The following STXBP5 variants were observed in gnomAD, a reference collection of about 807,000 sequenced individuals.
STXBP5 encodes the protein syntaxin-binding protein 5.
STXBP5 carries 50 observed loss-of-function variants against 152.4 expected under a neutral mutation model. The ratio of observed to expected loss-of-function variants is 0.33; its 90% CI spans 0.26 to 0.42. STXBP5 has a LOEUF of 0.42. Among genes scored for constraint, STXBP5 ranks in the 10% least tolerant of loss-of-function variants. STXBP5 has a pLI of 1.00. For missense variants in STXBP5, 1,167 were observed against 1,388.6 expected (o/e 0.84, Z 2.54); for synonymous variants, 492 against 494.7 (o/e 0.99, Z 0.07).
At chr6:147,261,586 A>G (rs1357447020) in intron 5 of STXBP5, among the ~76,000 whole-genome samples, 2 of 151,990 alleles carry the variant, frequency 1.3e-5, no homozygotes, top group East Asian at 1.9e-4. Context: ...GTAATAGTGT[A>G]TTAATCCTGG....
At chr6:147,275,106 T>G (rs1051259315) in intron 7 of STXBP5, among the ~76,000 whole-genome samples, 1 of 152,168 alleles carries the variant, frequency 6.6e-6, no homozygotes, top group African/African-American at 2.4e-5. Flanking sequence ...CTAATAAGAA[T>G]AGCAGAAGGA....
chr6:147,306,487 T>C (rs932247107), intron 9 of STXBP5, among the ~76,000 whole-genome samples: 2 of 152,160 alleles, frequency 1.3e-5, no homozygotes, highest in African/African-American at 4.8e-5. Context: ...CATCTGTCAA[T>C]GAACAACTCA....
In STXBP5 at chr6:147,235,298, T is replaced by A. The variant is rs1230634474; in HGVS notation, c.297T>A (p.Ala99=). 1 of 1,613,186 alleles carries A rather than the reference T, an allele frequency of 6.2e-7. No individual in the cohort carries two copies. The highest frequency in any genetic ancestry group is 8.5e-7 in the Non-Finnish European group (1 of 1,179,468). The change falls in exon 3 of 28, where the codon GCT becomes GCA. Residue 99 remains alanine, a synonymous_variant. Transcript: ENST00000321680. The part of the protein sequence containing the change: ...VECYCQHDSG[A]AVIQLQFLIN... ...GTTATTGCCAGCATGACAGTGGAGC[T>A]GCAGTAATCCAGCTCCAGTTCCTGA...
At position 147,389,855 on chromosome 6, in the gene STXBP5, G is replaced by C; in HGVS notation, c.*5100G>C. On this transcript the variant is annotated 3_prime_UTR_variant, in exon 28 of 28. Coordinates refer to ENST00000321680, the MANE Select transcript of STXBP5 (RefSeq NM_001127715.4). Reference sequence around the variant, plus strand: ...AACTTTTTTTTTTTGTAAATAAATAGTACTGTGATACTTTAGGTGTGACCT... The same window carrying C: ...AACTTTTTTTTTTTGTAAATAAATACTACTGTGATACTTTAGGTGTGACCT... 1 of 151,204 alleles carries C rather than the reference G, an allele frequency of 6.6e-6. No individual in the cohort carries two copies. Among genetic ancestry groups the C allele is most frequent in the African/African-American group, 2.4e-5 (1 of 41,210 alleles). The allele number at this position is 151,204 out of a possible 1,614,324, so 9.4% of individuals were successfully genotyped here.
intron 4 of STXBP5, among the ~76,000 whole-genome samples, chr6:147,255,081 T>G (rs143525978): frequency 2.6e-5 from 4 of 152,144 alleles, no homozygotes; most frequent in Non-Finnish European, 5.9e-5. Context: ...TGCCTATCAG[T>G]GATAAACTGG....
intron 7 of STXBP5, among the ~76,000 whole-genome samples, chr6:147,274,665 ATT>A (rs1780352176): frequency 6.6e-6 from 1 of 152,052 alleles, no homozygotes; most frequent in Admixed American, 6.6e-5. Context: ...ACTACAGAGT[ATT>A]TTCAATATTT....
chr6:147,348,767 T>C (rs980192511), intron 21 of STXBP5, among the ~76,000 whole-genome samples: 4 of 152,096 alleles, frequency 2.6e-5, no homozygotes, highest in Non-Finnish European at 4.4e-5. Flanking sequence ...TACTGAAAAA[T>C]TGGAAAATGC....
chr6:147,345,666 A>G (rs945276230), intron 21 of STXBP5, among the ~76,000 whole-genome samples: 3 of 152,184 alleles, frequency 2.0e-5, no homozygotes, highest in African/African-American at 7.2e-5. Context: ...ATTTTTTACT[A>G]TAAATTTCAG....
chr6:147,216,814 T>C (rs991946051), intron 2 of STXBP5, among the ~76,000 whole-genome samples: 5 of 152,186 alleles, frequency 3.3e-5, no homozygotes, highest in African/African-American at 1.2e-4. Context: ...AGCTGATAAT[T>C]TTTGTTTTAT....
intron 26 of STXBP5, 88 bp downstream of exon 26, chr6:147,373,930 ACT>A (rs1381108525): frequency 1.3e-6 from 1 of 748,756 alleles, no homozygotes; most frequent in Non-Finnish European, 2.2e-6. Context: ...AATTATGTTC[ACT>A]TTTTTTCTCT....
At chr6:147,343,847 A>G (rs1164714630) in intron 21 of STXBP5, among the ~76,000 whole-genome samples, 1 of 152,222 alleles carries the variant, frequency 6.6e-6, no homozygotes, top group Non-Finnish European at 1.5e-5. Flanking sequence ...TTCAACCTGA[A>G]ACGTGGCTAT....
At chr6:147,216,422 A>G (rs1777171339) in intron 2 of STXBP5, among the ~76,000 whole-genome samples, 1 of 152,040 alleles carries the variant, frequency 6.6e-6, no homozygotes, top group Non-Finnish European at 1.5e-5. Context: ...AAAAATTCAT[A>G]AGGCTCCCAG....
At chr6:147,286,943 CAT>C (rs1459736884) in intron 8 of STXBP5, among the ~76,000 whole-genome samples, 3 of 151,148 alleles carry the variant, frequency 2.0e-5, no homozygotes, top group African/African-American at 7.3e-5. Context: ...CACAAATAAA[CAT>C]GAGATTATTT....
At chr6:147,297,817 A>G (rs1781603419) in intron 9 of STXBP5, among the ~76,000 whole-genome samples, 1 of 152,260 alleles carries the variant, frequency 6.6e-6, no homozygotes, top group South Asian at 2.1e-4. Context: ...ATGATTATTT[A>G]TGTTACACTC....
intron 7 of STXBP5, among the ~76,000 whole-genome samples, chr6:147,276,789 A>G (rs932022198): frequency 9.2e-5 from 14 of 152,232 alleles, no homozygotes; most frequent in African/African-American, 3.4e-4. Context: ...AGAGATGCAG[A>G]TGGTCCCTGA....
At chr6:147,218,258 A>G (rs1299689608) in intron 2 of STXBP5, among the ~76,000 whole-genome samples, 2 of 152,196 alleles carry the variant, frequency 1.3e-5, no homozygotes, top group East Asian at 3.8e-4. Context: ...GTTTAGACAA[A>G]TATAATTACA....
At chr6:147,254,025 T>C (rs1350133007) in intron 4 of STXBP5, among the ~76,000 whole-genome samples, 1 of 152,186 alleles carries the variant, frequency 6.6e-6, no homozygotes, top group Non-Finnish European at 1.5e-5. Context: ...GGCATCACGC[T>C]ACCTGACTTC....
At chr6:147,284,978 A>G (rs1780889163) in intron 8 of STXBP5, among the ~76,000 whole-genome samples, 1 of 152,230 alleles carries the variant, frequency 6.6e-6, no homozygotes, top group African/African-American at 2.4e-5. Context: ...TTGCATTAAT[A>G]AATAATGGAG....
rs764684701 is a variant in STXBP5, at chr6:147,324,263, G to GTT, written c.1803-696_1803-695insTT. ...TTTAAGTTTTGTGGGGTTTTTTTTT[G>GTT]GTTTTTTTTTTTTTTTTTTTTTTTT... On this transcript the variant is annotated intron_variant, in intron 16 of 27. Transcript: ENST00000321680. Among the ~76,000 whole-genome samples the GTT allele has an allele frequency of 9.0e-3, 763 of 84,872 alleles. 95 individuals carry two copies. Among genetic ancestry groups the GTT allele is most frequent in the Admixed American group, 0.013 (81 of 6,474 alleles). 55.7% of individuals were successfully genotyped at this position (84,872 alleles called of 152,430 possible). A position where few individuals can be genotyped will look rare whatever the true frequency, so the allele number is the denominator to read the frequency against.
Sources: gnomAD v4.1 joint callset for allele counts (sites outside exome capture counted in the v4.1 genomes callset) on GRCh38, gnomAD v4.1.1 for gene constraint, MANE v1.5 for transcripts, NCBI Gene and HGNC (gene_info 2026-07-23, HGNC 2026-07-21) for gene names.